Variants in LRRC4C observed in about 807,000 individuals in gnomAD.
The protein encoded by LRRC4C is leucine-rich repeat-containing protein 4C.
Under a neutral mutation model 33.6 loss-of-function variants are expected in LRRC4C, and 5 were observed. That is an observed-to-expected ratio of 0.15 (90% confidence interval 0.08 to 0.31). The LOEUF is 0.31. Ranked by LOEUF, LRRC4C falls within the 10% of genes least tolerant of loss-of-function variation. The pLI, the probability that LRRC4C is intolerant of heterozygous loss-of-function variation, is 1.00. For synonymous variants in LRRC4C, 329 were observed against 302.0 expected, an observed-to-expected ratio of 1.09 and a Z score of -0.93; for missense variants, 560 against 796.7, an observed-to-expected ratio of 0.70 and a Z score of 3.58.
At position 40,897,421 on chromosome 11, in the gene LRRC4C, A is replaced by C. The variant is rs146864062; in HGVS notation, c.-407+36214T>G. Among the ~76,000 whole-genome samples, 8 of 152,336 alleles carry C rather than the reference A, an allele frequency of 5.3e-5. No individual in the cohort carries two copies. In the East Asian group the frequency reaches 1.5e-3, roughly 29 times the overall value. On this transcript the variant is annotated intron_variant, in intron 2 of 6. Coordinates refer to ENST00000528697, the MANE Select transcript of LRRC4C (RefSeq NM_001258419.2). ...TCAAAGAAAGCAAGTCATGAAGTCTAAATTAATGGCTCTGCCCATTAATTG... is the reference window on the plus strand; with the variant it reads ...TCAAAGAAAGCAAGTCATGAAGTCTCAATTAATGGCTCTGCCCATTAATTG...
intron 3 of LRRC4C, among the ~76,000 whole-genome samples, chr11:40,554,872 C>T (rs1318899937): frequency 1.3e-5 from 2 of 149,420 alleles, no homozygotes; most frequent in Non-Finnish European, 1.5e-5. Context: ...CAGACGCCCG[C>T]TACCACGCCC....
chr11:40,978,332 A>G (rs1251512935), intron 1 of LRRC4C, among the ~76,000 whole-genome samples: 1 of 152,212 alleles, frequency 6.6e-6, no homozygotes, highest in Non-Finnish European at 1.5e-5. Context: ...GGCAAAGCCA[A>G]CTAGCACCTA....
intron 5 of LRRC4C, among the ~76,000 whole-genome samples, chr11:40,177,836 A>G (rs187023331): frequency 6.6e-6 from 1 of 151,932 alleles, no homozygotes; most frequent in Admixed American, 6.6e-5. Flanking sequence ...CTTTGTCTGT[A>G]TTTTTTCCCC....
chr11:40,684,666 A>C (rs1944869975), intron 2 of LRRC4C, among the ~76,000 whole-genome samples: 1 of 152,002 alleles, frequency 6.6e-6, no homozygotes, highest in Non-Finnish European at 1.5e-5. Context: ...TATTGTAGTG[A>C]ATTTATTTGC....
At chr11:40,505,036 GT>G (rs565869778) in intron 3 of LRRC4C, among the ~76,000 whole-genome samples, 69 of 152,084 alleles carry the variant, frequency 4.5e-4, no homozygotes, top group African/African-American at 1.6e-3. Flanking sequence ...TTTTGTTTTT[GT>G]TTTTTTCTCC....
intron 2 of LRRC4C, among the ~76,000 whole-genome samples, chr11:40,776,589 T>G (rs2137228631): frequency 6.6e-6 from 1 of 152,202 alleles, no homozygotes; most frequent in East Asian, 1.9e-4. Flanking sequence ...ACATTTGTCA[T>G]TTCTGATTGT....
At chr11:40,238,583 C>T (rs1865723248) in intron 5 of LRRC4C, among the ~76,000 whole-genome samples, 1 of 152,114 alleles carries the variant, frequency 6.6e-6, no homozygotes, top group Admixed American at 6.6e-5. Flanking sequence ...TTCTTTATGA[C>T]CAGCCAATAC....
At chr11:40,887,611 G>T (rs1446920516) in intron 2 of LRRC4C, among the ~76,000 whole-genome samples, 1 of 151,992 alleles carries the variant, frequency 6.6e-6, no homozygotes, top group African/African-American at 2.4e-5. Context: ...AGCATAGCCA[G>T]CTTAGATTGA....
At chr11:40,959,201 C>G (rs531160807) in intron 1 of LRRC4C, among the ~76,000 whole-genome samples, 13 of 151,750 alleles carry the variant, frequency 8.6e-5, no homozygotes, top group African/African-American at 2.7e-4. Context: ...ATTAGGTGAG[C>G]TCATTGCAGT....
intron 1 of LRRC4C, among the ~76,000 whole-genome samples, chr11:41,101,951 G>T (rs983082175): frequency 7.2e-5 from 11 of 151,952 alleles, no homozygotes; most frequent in Non-Finnish European, 1.3e-4. Flanking sequence ...ATGACACAAA[G>T]AGGAAAGCAA....
intron 4 of LRRC4C, among the ~76,000 whole-genome samples, chr11:40,294,483 T>A (rs1944407500): frequency 6.6e-6 from 1 of 152,058 alleles, no homozygotes; most frequent in South Asian, 2.1e-4. Flanking sequence ...AGGTTGCAGG[T>A]TAAGAGCCTC....
chr11:40,563,243 A>G (rs926449112), intron 3 of LRRC4C, among the ~76,000 whole-genome samples: 20 of 152,128 alleles, frequency 1.3e-4, no homozygotes, highest in African/African-American at 4.1e-4. Context: ...CTCATCACTC[A>G]CTGCCCAGCT....
intron 2 of LRRC4C, among the ~76,000 whole-genome samples, chr11:40,911,745 T>G (rs1956704366): frequency 6.6e-6 from 1 of 152,076 alleles, no homozygotes; most frequent in African/African-American, 2.4e-5. Context: ...ATCAAACTAC[T>G]CTGAGCTAAA....
intron 4 of LRRC4C, among the ~76,000 whole-genome samples, chr11:40,310,883 T>C (rs1433052421): frequency 6.6e-6 from 1 of 152,234 alleles, no homozygotes; most frequent in Non-Finnish European, 1.5e-5. Flanking sequence ...CCAAAGAGTT[T>C]TGTTTTGTTT....
At chr11:40,301,461 C>A (rs1944771288) in intron 4 of LRRC4C, among the ~76,000 whole-genome samples, 1 of 152,180 alleles carries the variant, frequency 6.6e-6, no homozygotes. Context: ...TGGTGTGAAT[C>A]CAGTTGTGTA....
intron 1 of LRRC4C, among the ~76,000 whole-genome samples, chr11:40,996,159 G>T (rs1164472477): frequency 1.3e-5 from 2 of 152,112 alleles, no homozygotes; most frequent in Non-Finnish European, 2.9e-5. Context: ...GTTACCAAAT[G>T]AAATTTGTTT....
intron 1 of LRRC4C, among the ~76,000 whole-genome samples, chr11:41,382,314 T>A (rs2137902627): frequency 6.6e-6 from 1 of 152,084 alleles, no homozygotes. Context: ...TTAAATATGC[T>A]GAAAGGAAAT....
At chr11:40,195,094 GAAA>G in intron 5 of LRRC4C, among the ~76,000 whole-genome samples, 1 of 137,888 alleles carries the variant, frequency 7.3e-6, no homozygotes, top group East Asian at 2.1e-4. Context: ...CCGTCTCAAA[GAAA>G]AAAAAAAAGA....
At chr11:40,361,431 A>C (rs1329314912) in intron 3 of LRRC4C, among the ~76,000 whole-genome samples, 9 of 152,198 alleles carry the variant, frequency 5.9e-5, no homozygotes, top group African/African-American at 2.2e-4. Context: ...TCAAGCTGAG[A>C]GCCAAATCAC....
Sources: allele counts gnomAD v4.1 joint callset (sites outside exome capture counted in the v4.1 genomes callset), GRCh38; gene constraint gnomAD v4.1.1; transcripts MANE v1.5; gene names NCBI Gene and HGNC (gene_info 2026-07-23, HGNC 2026-07-21).